The following FANCA variants were observed in gnomAD, a reference collection of about 807,000 sequenced individuals.
The protein encoded by FANCA is FA complementation group A.
Under a neutral mutation model 194.3 loss-of-function variants are expected in FANCA, and 236 were observed. The observed-to-expected ratio is 1.21, with a 90% CI of 1.09 to 1.35. The LOEUF (loss-of-function observed/expected upper bound fraction) is 1.35. Ranked by LOEUF, FANCA falls within the 40% of genes most tolerant of loss-of-function variation. The pLI is 0.00. For synonymous variants in FANCA, 1,014 were observed against 715.8 expected (o/e 1.42, Z -6.65); for missense variants, 2,628 against 1,813.9 (o/e 1.45, Z -8.15).
chr16:89,742,766 G>A (rs770595690), intron 37 of FANCA, 34 bp downstream of exon 37: 2 of 1,607,308 alleles, frequency 1.2e-6, no homozygotes, highest in South Asian at 1.1e-5. Context: ...AAGCTTGCGA[G>A]AAAATAAATC....
In FANCA at chr16:89,769,939, A is replaced by G. The variant is rs772721300; in HGVS notation, c.2402T>C (p.Val801Ala). 2 of 1,613,844 alleles carry G rather than the reference A, an allele frequency of 1.2e-6. No individual in the cohort carries two copies. The highest frequency in any genetic ancestry group is 1.7e-5 in the Admixed American group (1 of 59,986). ...ACCAGGTGCAGGAGGACCCACATCC[A>G]CCTCTGGGAGCGCAGACCTGGACTC... is the stretch of plus-strand genomic sequence containing the variant. The part of the protein sequence containing the change: ...LGESRSALPE[V>A]DVGPPAPGAG... The change falls in exon 26 of 43, where the codon GTG (valine) becomes GCG (alanine). Residue 801 changes from valine (V) to alanine (A), a missense_variant. Coordinates refer to ENST00000389301, the MANE Select transcript of FANCA (RefSeq NM_000135.4).
In FANCA at chr16:89,746,102, G is replaced by C. The variant is rs1353390514; in HGVS notation, c.3513+482C>G. 2.0e-5 allele frequency among the ~76,000 whole-genome samples: 3 copies of C among 152,264 alleles called. No homozygotes were observed. In the Middle Eastern group the frequency reaches 0.01, roughly 518 times the overall value. On this transcript the variant is annotated intron_variant, in intron 35 of 42. Transcript: ENST00000389301. Reference sequence around the variant, plus strand: ...GAAATGCTGCCCTCCTCCCACTCTCGGGACCCTGGGCTGCTAGGGGAGCCT... The same window carrying C: ...GAAATGCTGCCCTCCTCCCACTCTCCGGACCCTGGGCTGCTAGGGGAGCCT...
intron 38 of FANCA, 53 bp from the exon 39 acceptor site, chr16:89,740,152 G>C: frequency 7.1e-7 from 1 of 1,400,920 alleles, no homozygotes; most frequent in Non-Finnish European, 1.0e-6. Flanking sequence ...TGCTCCCATG[G>C]GTAGGAGGGT....
intron 14 of FANCA, 84 bp downstream of exon 14, chr16:89,791,319 G>GA (rs2040068874): frequency 6.5e-7 from 1 of 1,544,510 alleles, no homozygotes; most frequent in Non-Finnish European, 8.8e-7. Flanking sequence ...ACATGACAGA[G>GA]AATCAGGTGG....
At chr16:89,749,009 A>C (rs968228253) in intron 32 of FANCA, among the ~76,000 whole-genome samples, 2 of 152,198 alleles carry the variant, frequency 1.3e-5, no homozygotes, top group Non-Finnish European at 2.9e-5. Context: ...TAACAGTTAC[A>C]TAATAACCAA....
chr16:89,765,666 C>G (rs1449221256), intron 27 of FANCA, among the ~76,000 whole-genome samples: 2 of 152,246 alleles, frequency 1.3e-5, no homozygotes, highest in Non-Finnish European at 2.9e-5. Context: ...ACTATTGGTG[C>G]TGCGTGACCG....
At position 89,775,835 on chromosome 16, in the gene FANCA, T is replaced by C. The variant is rs762372311; in HGVS notation, c.1827-20A>G. 1.3e-6 allele frequency: 2 copies of C among 1,561,340 alleles called. No homozygotes were observed. Among genetic ancestry groups the C allele is most frequent in the Non-Finnish European group, 1.8e-6 (2 of 1,135,044 alleles). On this transcript the variant is annotated intron_variant, in intron 20 of 42. Transcript: ENST00000389301. Reference sequence around the variant, plus strand: ...TCTGCTCTGGATCACAGGAAAACAATACAATTAAGTCAGCTATGGCTTAAA... The same window carrying C: ...TCTGCTCTGGATCACAGGAAAACAACACAATTAAGTCAGCTATGGCTTAAA...
intron 17 of FANCA, among the ~76,000 whole-genome samples, chr16:89,781,244 G>T (rs1216396078): frequency 1.3e-5 from 2 of 150,726 alleles, no homozygotes; most frequent in African/African-American, 4.9e-5. Flanking sequence ...GGTGCCTGTA[G>T]TCCCAGCTAC....
chr16:89,790,294 G>A (rs76924017), intron 14 of FANCA, among the ~76,000 whole-genome samples: 12,814 of 151,598 alleles, frequency 0.085, 642 homozygotes, highest in East Asian at 0.22. Context: ...CTCGGGAGGC[G>A]GAGGCAGGAG....
intron 36 of FANCA, among the ~76,000 whole-genome samples, chr16:89,743,934 A>C (rs1244890582): frequency 6.6e-6 from 1 of 151,716 alleles, no homozygotes; most frequent in Non-Finnish European, 1.5e-5. Context: ...TTTCTCTCTC[A>C]TTGCCCATGC....
At chr16:89,750,879 C>T (rs529520858) in intron 31 of FANCA, among the ~76,000 whole-genome samples, 37 of 151,980 alleles carry the variant, frequency 2.4e-4, no homozygotes, top group African/African-American at 8.4e-4. Context: ...ATCATTTTTG[C>T]CTCACAAGTC....
chr16:89,815,545 C>A (rs1051307910), intron 2 of FANCA, among the ~76,000 whole-genome samples: 2 of 148,850 alleles, frequency 1.3e-5, no homozygotes, highest in African/African-American at 5.0e-5. Context: ...CAGTAGAGAC[C>A]GGGTTTCACT....
In FANCA at chr16:89,816,642, C is replaced by G. The variant is rs1187468461; in HGVS notation, c.-27G>C. 6.6e-7 allele frequency: 1 copy of G among 1,514,340 alleles called. No individual in the cohort carries two copies. Among genetic ancestry groups the G allele is most frequent in the Non-Finnish European group, 8.8e-7 (1 of 1,138,008 alleles). 93.8% of individuals were successfully genotyped at this position (1,514,340 alleles called of 1,614,324 possible). ...GCCTTGGCGCCTACAGCCCCGGCGG[C>G]GGCTCCCTGCGCCCGAGCCCGCGCT... On this transcript the variant is annotated 5_prime_UTR_variant, in exon 1 of 43. Coordinates refer to ENST00000389301, the MANE Select transcript of FANCA (RefSeq NM_000135.4).
At chr16:89,739,885 T>G in intron 39 of FANCA, 109 bp downstream of exon 39, 1 of 1,563,648 alleles carries the variant, frequency 6.4e-7, no homozygotes, top group South Asian at 1.2e-5. Context: ...ATGGAGCTTA[T>G]AAACTTACTT....
intron 11 of FANCA, among the ~76,000 whole-genome samples, chr16:89,794,135 G>C (rs1056217799): frequency 6.6e-6 from 1 of 152,130 alleles, no homozygotes; most frequent in African/African-American, 2.4e-5. Flanking sequence ...CTCCCTGTTT[G>C]TTGCCTATTT....
chr16:89,805,157 G>A (rs2040591452), intron 7 of FANCA, 123 bp downstream of exon 7: 6 of 750,346 alleles, frequency 8.0e-6, no homozygotes, highest in South Asian at 4.5e-5. Context: ...AGTCTGTCAT[G>A]CCAGGTTCCC....
At chr16:89,786,619 G>A (rs1232395003) in intron 14 of FANCA, among the ~76,000 whole-genome samples, 1 of 152,142 alleles carries the variant, frequency 6.6e-6, no homozygotes, top group African/African-American at 2.4e-5. Flanking sequence ...ACCTGACCAT[G>A]TGTAGATTCT....
intron 36 of FANCA, among the ~76,000 whole-genome samples, chr16:89,744,086 T>C (rs1266748010): frequency 6.6e-6 from 1 of 152,062 alleles, no homozygotes; most frequent in Non-Finnish European, 1.5e-5. Context: ...TCAGTAGAGA[T>C]TGTTTCACAT....
In FANCA at chr16:89,812,648, A is replaced by AAAAAAAAAAAAAAAAAC. The variant is rs1567655637; in HGVS notation, c.284-1578_284-1577insGTTTTTTTTTTTTTTTT. 5.2e-4 allele frequency among the ~76,000 whole-genome samples: 25 copies of AAAAAAAAAAAAAAAAAC among 48,530 alleles called. 1 individual carries two copies. The highest frequency in any genetic ancestry group is 8.7e-4 in the South Asian group (1 of 1,148). 31.8% of individuals were successfully genotyped at this position (48,530 alleles called of 152,430 possible). ...GTAACAAGAGCAATACTCCGTCTCA[A>AAAAAAAAAAAAAAAAAC]AAAAAAAAAAAAAAAAAAAAAACTG... On this transcript the variant is annotated intron_variant, in intron 3 of 42. Coordinates refer to ENST00000389301, the MANE Select transcript of FANCA (RefSeq NM_000135.4).
Sources: allele counts gnomAD v4.1 joint callset (sites outside exome capture counted in the v4.1 genomes callset), GRCh38; gene constraint gnomAD v4.1.1; transcripts MANE v1.5; gene names NCBI Gene and HGNC (gene_info 2026-07-23, HGNC 2026-07-21).